Variants in FAM184B observed in about 807,000 individuals in gnomAD.
FAM184B encodes the protein protein FAM184B.
In FAM184B, 111 loss-of-function variants were observed where a neutral mutation model predicts 135.9. The ratio of observed to expected loss-of-function variants is 0.82; its 90% CI spans 0.70 to 0.96. The LOEUF is 0.96. FAM184B is among the 40% of genes least tolerant of loss of function. The probability of loss-of-function intolerance (pLI) is 0.00; values close to 1 mark genes in which losing one functional copy is unlikely to be tolerated. For missense variants in FAM184B, 1,375 were observed against 1,323.9 expected (o/e 1.04, Z -0.60); for synonymous variants, 552 against 524.8 (o/e 1.05, Z -0.71).
intron 1 of FAM184B, among the ~76,000 whole-genome samples, chr4:17,714,143 A>C (rs1717355159): frequency 6.6e-6 from 1 of 152,144 alleles, no homozygotes; most frequent in Admixed American, 6.6e-5. Flanking sequence ...GTTCACAGTA[A>C]GTATCTGCTA....
intron 1 of FAM184B, among the ~76,000 whole-genome samples, chr4:17,764,766 T>C (rs1468585064): frequency 6.6e-6 from 1 of 152,186 alleles, no homozygotes; most frequent in Non-Finnish European, 1.5e-5. Flanking sequence ...GGAGCTTGCA[T>C]TAAAATGCAA....
chr4:17,728,388 T>TA (rs951265697), intron 1 of FAM184B, among the ~76,000 whole-genome samples: 6 of 151,616 alleles, frequency 4.0e-5, no homozygotes, highest in East Asian at 1.9e-4. Flanking sequence ...CCCTGTCTCT[T>TA]AAAAAAAAAT....
chr4:17,703,483 G>C (rs1337691378), intron 5 of FAM184B, among the ~76,000 whole-genome samples: 1 of 143,398 alleles, frequency 7.0e-6, no homozygotes, highest in Non-Finnish European at 1.5e-5. Flanking sequence ...GGGCAAGAGA[G>C]AGAGACCCTG....
intron 7 of FAM184B, among the ~76,000 whole-genome samples, chr4:17,683,759 T>A (rs1237134367): frequency 6.6e-6 from 1 of 152,054 alleles, no homozygotes; most frequent in African/African-American, 2.4e-5. Context: ...TTACAATCTC[T>A]AAGCTATAAA....
At chr4:17,772,003 G>C (rs1281965980) in intron 1 of FAM184B, among the ~76,000 whole-genome samples, 1 of 152,160 alleles carries the variant, frequency 6.6e-6, no homozygotes, top group Non-Finnish European at 1.5e-5. Context: ...GGTCAGAAAA[G>C]GCCACTTTGA....
intron 10 of FAM184B, among the ~76,000 whole-genome samples, chr4:17,654,251 A>G (rs901230999): frequency 6.6e-6 from 1 of 150,680 alleles, no homozygotes; most frequent in African/African-American, 2.5e-5. Context: ...CAGGTTTTAG[A>G]TGAGGAAATG....
chr4:17,647,570 G>A, intron 12 of FAM184B, 67 bp downstream of exon 12: 2 of 1,496,730 alleles, frequency 1.3e-6, no homozygotes, highest in South Asian at 1.3e-5. Context: ...CCTTTATGGG[G>A]CTTCTTACTG....
chr4:17,731,145 C>T (rs1035376683), intron 1 of FAM184B, among the ~76,000 whole-genome samples: 2 of 152,098 alleles, frequency 1.3e-5, no homozygotes, highest in Admixed American at 6.5e-5. Context: ...TTGTCACCAC[C>T]AGGTCTGCCC....
chr4:17,679,251 G>T (rs6842387), intron 7 of FAM184B, among the ~76,000 whole-genome samples: 1 of 152,142 alleles, frequency 6.6e-6, no homozygotes, highest in Non-Finnish European at 1.5e-5. Flanking sequence ...AACCTACAGA[G>T]TGGGATAAAA....
At chr4:17,735,354 A>T (rs1345395955) in intron 1 of FAM184B, among the ~76,000 whole-genome samples, 2 of 152,102 alleles carry the variant, frequency 1.3e-5, no homozygotes, top group Non-Finnish European at 2.9e-5. Context: ...AAATTAAATT[A>T]AAAAAAGAAA....
chr4:17,737,144 C>CAA (rs1254082784), intron 1 of FAM184B, among the ~76,000 whole-genome samples: 8 of 116,262 alleles, frequency 6.9e-5, no homozygotes, highest in African/African-American at 2.2e-4. Context: ...GACTTCGTCT[C>CAA]AAAAAAAAAA....
At chr4:17,774,157 T>G (rs76676306) in intron 1 of FAM184B, among the ~76,000 whole-genome samples, 9,287 of 151,968 alleles carry the variant, frequency 0.061, 913 homozygotes, top group African/African-American at 0.21. Flanking sequence ...TGGGAGGATT[T>G]CTTGAGCCCA....
intron 1 of FAM184B, among the ~76,000 whole-genome samples, chr4:17,780,106 C>A (rs769032334): frequency 1.3e-5 from 2 of 152,076 alleles, no homozygotes; most frequent in Non-Finnish European, 2.9e-5. Context: ...TGGGAGAAGG[C>A]GGCTAGTGTT....
chr4:17,746,640 G>A (rs926791980), intron 1 of FAM184B, among the ~76,000 whole-genome samples: 2 of 151,940 alleles, frequency 1.3e-5, no homozygotes, highest in Admixed American at 6.6e-5. Context: ...GCTGAGGCAG[G>A]AGAATGGTGT....
intron 1 of FAM184B, among the ~76,000 whole-genome samples, chr4:17,774,115 G>T (rs1273273189): frequency 2.0e-5 from 3 of 152,144 alleles, no homozygotes; most frequent in Admixed American, 1.3e-4. Context: ...GGCGGCTCAC[G>T]CCTGCAACCC....
intron 1 of FAM184B, among the ~76,000 whole-genome samples, chr4:17,714,628 A>G (rs753595154): frequency 2.0e-5 from 3 of 152,174 alleles, no homozygotes; most frequent in Admixed American, 6.5e-5. Flanking sequence ...CATTCATTAG[A>G]GGATTCAGTA....
At chr4:17,641,643 CTTTTTTTTTTTTTTT>C (rs34886078) in intron 13 of FAM184B, among the ~76,000 whole-genome samples, 1 of 24,376 alleles carries the variant, frequency 4.1e-5, no homozygotes, top group Admixed American at 8.3e-4. Context: ...CACGCCCGGC[CTTTTTTTTTTTTTTT>C]TTTTTTTTTT....
chr4:17,750,871 T>C (rs1022759840), intron 1 of FAM184B, among the ~76,000 whole-genome samples: 4 of 152,206 alleles, frequency 2.6e-5, no homozygotes, highest in African/African-American at 4.8e-5. Flanking sequence ...TGTCTCATTA[T>C]GCCTGATCTA....
rs1285977924 is a variant in FAM184B at position 17,636,604 on chromosome 4, C to G, written c.2708G>C (p.Arg903Thr). 6.4e-7 allele frequency: 1 copy of G among 1,551,002 alleles called. No individual in the cohort carries two copies. Among genetic ancestry groups the G allele is most frequent in the East Asian group, 2.4e-5 (1 of 40,912 alleles). Residue 903 changes from arginine to threonine, a missense_variant, in exon 15 of 18, where the codon AGG (arginine) becomes ACG (threonine). Coordinates refer to ENST00000265018, the MANE Select transcript of FAM184B (RefSeq NM_015688.2). ...SGEKPGKGAS[R>T]PEDLQLIGRL... ...GCCAATGAGCTGAAGGTCCTCGGGCCTGGACGCTCCCTTCCCTGGCTTCTC... is the reference window on the plus strand; with the variant it reads ...GCCAATGAGCTGAAGGTCCTCGGGCGTGGACGCTCCCTTCCCTGGCTTCTC...
Sources: allele counts gnomAD v4.1 joint callset (sites outside exome capture counted in the v4.1 genomes callset), GRCh38; gene constraint gnomAD v4.1.1; transcripts MANE v1.5; gene names NCBI Gene and HGNC (gene_info 2026-07-23, HGNC 2026-07-21).